The following NINL variants were observed in gnomAD, a reference collection of about 807,000 sequenced individuals.
The protein encoded by NINL is ninein like, also known as ninein-like protein.
In NINL, 153 loss-of-function variants were observed where a neutral mutation model predicts 160.3. The observed-to-expected ratio is 0.95, with a 90% CI of 0.84 to 1.09. NINL has a LOEUF of 1.09. Among genes scored for constraint, NINL ranks in the 50% least tolerant of loss-of-function variants. NINL has a pLI of 0.00. For missense variants in NINL, 1,829 were observed against 1,764.0 expected (o/e 1.04, Z -0.66); for synonymous variants, 800 against 734.8 (o/e 1.09, Z -1.43).
At chr20:25,497,876 C>T (rs1392390706) in intron 9 of NINL, among the ~76,000 whole-genome samples, 1 of 152,206 alleles carries the variant, frequency 6.6e-6, no homozygotes, top group Non-Finnish European at 1.5e-5. Context: ...ATACAGATCC[C>T]AAGCACCTCA....
intron 19 of NINL, among the ~76,000 whole-genome samples, chr20:25,465,588 A>C (rs1294590538): frequency 1.3e-5 from 2 of 150,874 alleles, no homozygotes. Flanking sequence ...GTCCCCGACG[A>C]CTCCAACCCT....
chr20:25,484,374 T>A (rs73335323), intron 13 of NINL, among the ~76,000 whole-genome samples: 1 of 152,068 alleles, frequency 6.6e-6, no homozygotes, highest in African/African-American at 2.4e-5. Flanking sequence ...GGCACCCAGA[T>A]CCTGTCTCTA....
intron 16 of NINL, among the ~76,000 whole-genome samples, chr20:25,477,294 G>A (rs1400816552): frequency 6.6e-6 from 1 of 152,202 alleles, no homozygotes; most frequent in Admixed American, 6.5e-5. Flanking sequence ...CCCACGGAGC[G>A]AGGTTCTGCA....
At chr20:25,492,779 GA>G (rs561611302) in intron 10 of NINL, among the ~76,000 whole-genome samples, 5 of 151,420 alleles carry the variant, frequency 3.3e-5, no homozygotes, top group South Asian at 2.1e-4. Flanking sequence ...TATGTGCATA[GA>G]AAAAAAAGGT....
At chr20:25,562,115 A>G (rs1393148504) in intron 1 of NINL, among the ~76,000 whole-genome samples, 2 of 138,202 alleles carry the variant, frequency 1.4e-5, no homozygotes, top group Non-Finnish European at 3.1e-5. Context: ...CCCGTCCGGG[A>G]GGGAGGTGGG....
At chr20:25,569,527 A>G (rs1236282265) in intron 1 of NINL, among the ~76,000 whole-genome samples, 1 of 152,246 alleles carries the variant, frequency 6.6e-6, no homozygotes, top group Non-Finnish European at 1.5e-5. Context: ...GCTCTTCCAC[A>G]GCAGCCAGCG....
chr20:25,512,110 C>T (rs2064081026), intron 4 of NINL, among the ~76,000 whole-genome samples: 1 of 152,194 alleles, frequency 6.6e-6, no homozygotes, highest in Non-Finnish European at 1.5e-5. Context: ...CTTGGGTGAT[C>T]CCTGCATCCC....
intron 2 of NINL, among the ~76,000 whole-genome samples, chr20:25,522,624 AT>A: frequency 6.6e-6 from 1 of 152,328 alleles, no homozygotes; most frequent in South Asian, 2.1e-4. Flanking sequence ...GAATGATGAA[AT>A]TGCAATTTTG....
intron 1 of NINL, among the ~76,000 whole-genome samples, chr20:25,566,510 A>G (rs2065001152): frequency 6.6e-6 from 1 of 152,254 alleles, no homozygotes; most frequent in African/African-American, 2.4e-5. Flanking sequence ...AGACTTTCAG[A>G]TAACTATGAT....
rs2063856823 is a variant in NINL at position 25,500,977 on chromosome 20, T to C, written c.895A>G (p.Thr299Ala). 6 of 1,614,008 alleles carry C rather than the reference T, an allele frequency of 3.7e-6. No individual in the cohort carries two copies. The highest frequency in any genetic ancestry group is 5.1e-6 in the Non-Finnish European group (6 of 1,179,984). Residue 299 changes from threonine to alanine, a missense_variant, in exon 8 of 24, where the codon ACC becomes GCC. Thr to Ala is a moderately conservative substitution (Grantham distance 58, BLOSUM62 0). Transcript: ENST00000278886. ...GAGCACAGGGACACGAGGGATGAGG[T>C]TGTGGTGGTGTGGCAGCCGCTCTCC... ...PEESGCHTTT[T>A]SSLVSLCSSL...
intron 17 of NINL, among the ~76,000 whole-genome samples, chr20:25,475,570 G>T (rs957583430): frequency 1.3e-5 from 2 of 152,186 alleles, no homozygotes; most frequent in Non-Finnish European, 2.9e-5. Flanking sequence ...GAACAACAAT[G>T]AAAAATCTTT....
At position 25,500,924 on chromosome 20, in the gene NINL, G is replaced by A. The variant is rs377706873; in HGVS notation, c.948C>T (p.Asp316=). The change falls in exon 8 of 24, where the codon GAC becomes GAT. Residue 316 remains aspartate (D), a synonymous_variant. Transcript: ENST00000278886. ...CSSLRLFSSI[D]DGSGFAFPDQ... is the part of the protein sequence containing the mutation. ...CAGGAAAAGCGAAGCCAGAACCATC[G>A]TCAATGCTGGAGAAGAGGCGCAGGC... 46 of 1,614,088 alleles carry A rather than the reference G, an allele frequency of 2.8e-5. No homozygotes were observed. The highest frequency in any genetic ancestry group is 2.7e-4 in the Admixed American group (16 of 60,010).
At chr20:25,480,127 C>G in intron 15 of NINL, 34 bp downstream of exon 15, 1 of 1,500,164 alleles carries the variant, frequency 6.7e-7, no homozygotes, top group Non-Finnish European at 9.3e-7. Context: ...AGCAGCTACT[C>G]CCCCAGGGCC....
intron 2 of NINL, among the ~76,000 whole-genome samples, chr20:25,524,459 T>A (rs1224366006): frequency 6.6e-6 from 1 of 152,148 alleles, no homozygotes; most frequent in Non-Finnish European, 1.5e-5. Flanking sequence ...CGCATGGCTA[T>A]CCCAGGGGGA....
At chr20:25,491,205 A>G (rs1373734893) in intron 11 of NINL, 146 bp downstream of exon 11, 2 of 962,376 alleles carry the variant, frequency 2.1e-6, no homozygotes, top group East Asian at 5.3e-5. Context: ...TCCTCACTGC[A>G]GCAGGTGCTC....
At position 25,482,098 on chromosome 20, in the gene NINL, G is replaced by T; in HGVS notation, c.1680C>A (p.Asp560Glu). 1 of 1,595,962 alleles carries T rather than the reference G, an allele frequency of 6.3e-7. No homozygotes were observed. Among genetic ancestry groups the T allele is most frequent in the Non-Finnish European group, 8.5e-7 (1 of 1,178,440 alleles). The part of the protein sequence containing the change: ...VLKEYELKCR[D>E]LQDRNDELQA... ...GCAGCTCATCGTTGCGGTCCTGCAG[G>T]TCCTGTGGGGACAGAGCCAGCCACC... Residue 560 changes from aspartate (D) to glutamate (E), a missense_variant and splice_region_variant, in exon 14 of 24, where the codon GAC becomes GAA. Physicochemically the swap from Asp to Glu is conservative, Grantham distance 45 (BLOSUM62 2). Coordinates refer to ENST00000278886, the MANE Select transcript of NINL (RefSeq NM_025176.6).
chr20:25,490,851 C>A (rs1328556735), intron 11 of NINL, among the ~76,000 whole-genome samples: 1 of 152,152 alleles, frequency 6.6e-6, no homozygotes, highest in Non-Finnish European at 1.5e-5. Context: ...AGGAGCAGAG[C>A]AGGGACCAGC....
intron 1 of NINL, among the ~76,000 whole-genome samples, chr20:25,546,852 G>GA (rs34819158): frequency 0.43 from 65,100 of 151,770 alleles, 15,485 homozygotes; most frequent in Admixed American, 0.55. Flanking sequence ...CCAGACAGCT[G>GA]AAAACAGAAT....
At chr20:25,489,772 G>T in intron 12 of NINL, 103 bp downstream of exon 12, 2 of 856,516 alleles carry the variant, frequency 2.3e-6, no homozygotes, top group Non-Finnish European at 3.9e-6. Context: ...GGAGAATACC[G>T]CATTCTGTGA....
Sources: allele counts gnomAD v4.1 joint callset (sites outside exome capture counted in the v4.1 genomes callset), GRCh38; gene constraint gnomAD v4.1.1; transcripts MANE v1.5; gene names NCBI Gene and HGNC (gene_info 2026-07-23, HGNC 2026-07-21).